Variants in KLHL26 observed in about 807,000 individuals in gnomAD.
KLHL26 encodes the protein kelch-like protein 26.
In KLHL26, 4 loss-of-function variants were observed where a neutral mutation model predicts 7.1. That is an observed-to-expected ratio of 0.56 (90% CI 0.28 to 1.28). The LOEUF (loss-of-function observed/expected upper bound fraction) is 1.28. KLHL26 is among the 50% of genes most tolerant of loss of function. KLHL26 has a pLI of 0.11. For synonymous variants in KLHL26, 465 were observed against 414.1 expected, an observed-to-expected ratio of 1.12 and a Z score of -1.49; for missense variants, 896 against 924.6, an observed-to-expected ratio of 0.97 and a Z score of 0.40.
At chr19:18,658,972 T>C (rs1346181559) in intron 1 of KLHL26, among the ~76,000 whole-genome samples, 1 of 151,480 alleles carries the variant, frequency 6.6e-6, no homozygotes, top group Non-Finnish European at 1.5e-5. Flanking sequence ...TCTCTCTGGG[T>C]CTCTGTCTCC....
Sources: allele counts gnomAD v4.1 joint callset (sites outside exome capture counted in the v4.1 genomes callset), GRCh38; gene constraint gnomAD v4.1.1; transcripts MANE v1.5; gene names NCBI Gene and HGNC (gene_info 2026-07-23, HGNC 2026-07-21).